Variants in SF3A2 observed in about 807,000 individuals in gnomAD.
SF3A2 encodes splicing factor 3a subunit 2.
Under a neutral mutation model 31.1 loss-of-function variants are expected in SF3A2, and 5 were observed. That is an observed-to-expected ratio of 0.16 (90% CI 0.08 to 0.34). SF3A2 has a LOEUF of 0.34. Ranked by LOEUF, SF3A2 falls within the 10% of genes least tolerant of loss-of-function variation. SF3A2 has a pLI of 1.00. For missense variants in SF3A2, 577 were observed against 643.9 expected, an observed-to-expected ratio of 0.90 and a Z score of 1.13; for synonymous variants, 365 against 263.7, an observed-to-expected ratio of 1.38 and a Z score of -3.72.
chr19:2,241,038 T>G (rs542736434), intron 1 of SF3A2, among the ~76,000 whole-genome samples: 2 of 152,280 alleles, frequency 1.3e-5, no homozygotes, highest in South Asian at 4.1e-4. Context: ...GAGTGCAGGC[T>G]TGGGGGTAGA....
In SF3A2 at chr19:2,244,282, A is replaced by G. The variant is rs567269585; in HGVS notation, c.127-262A>G. Among the ~76,000 whole-genome samples, 11 of 152,192 alleles carry G rather than the reference A, an allele frequency of 7.2e-5. No homozygotes were observed. The East Asian group carries it at 1.9e-3, about 27-fold the overall frequency. On this transcript the variant is annotated intron_variant, in intron 2 of 8. Coordinates refer to ENST00000221494, the MANE Select transcript of SF3A2 (RefSeq NM_007165.5). ...TCCCTCTGACTCAGAACCACCAGGA[A>G]GGTGGTGTCGGGGGCTCCCTGGGAA...
At chr19:2,239,185 C>T (rs552766519) in intron 1 of SF3A2, among the ~76,000 whole-genome samples, 5 of 152,146 alleles carry the variant, frequency 3.3e-5, no homozygotes, top group South Asian at 4.1e-4. Context: ...GCCAACCTGG[C>T]GAAATCCCAT....
At chr19:2,247,564 A>G (rs1237228255) in intron 7 of SF3A2, 30 bp from the exon 8 acceptor site, 2 of 1,611,104 alleles carry the variant, frequency 1.2e-6, no homozygotes, top group Admixed American at 1.7e-5. Context: ...CACAGGGACC[A>G]GGAGCCCTCT....
At position 2,245,617 on chromosome 19, in the gene SF3A2, T is replaced by C; in HGVS notation, c.355+62T>C. On this transcript the variant is annotated intron_variant, in intron 5 of 8. Transcript: ENST00000221494. The surrounding 1 kb of genome is among the most constrained non-coding windows in gnomAD (Gnocchi z 4.2). ...GCCGTGACATAAGTGTGTTCTTTAG[T>C]CTCCAGTGCGGGAGGTGCAGCCCTG... 1 of 1,256,544 alleles carries C rather than the reference T, an allele frequency of 8.0e-7. No individual in the cohort carries two copies. Among genetic ancestry groups the C allele is most frequent in the Middle Eastern group, 1.9e-4 (1 of 5,346 alleles). 77.8% of individuals were successfully genotyped at this position (1,256,544 alleles called of 1,614,324 possible).
intron 1 of SF3A2, among the ~76,000 whole-genome samples, chr19:2,238,780 A>G (rs528932692): frequency 5.3e-5 from 8 of 152,094 alleles, no homozygotes; most frequent in Admixed American, 5.2e-4. Context: ...TCCCCTCACC[A>G]CTTCCCTCCA....
intron 2 of SF3A2, among the ~76,000 whole-genome samples, chr19:2,243,745 C>T (rs2024909392): frequency 6.6e-6 from 1 of 152,248 alleles, no homozygotes; most frequent in Non-Finnish European, 1.5e-5. Flanking sequence ...GGCTCTGAGT[C>T]CCATGTGGAC....
In SF3A2 at chr19:2,247,916, G is replaced by T. The variant is rs746761801; in HGVS notation, c.765G>T (p.Pro255=). The T allele has an allele frequency of 4.5e-6, 7 of 1,542,172 alleles. No individual in the cohort carries two copies. The highest frequency in any genetic ancestry group is 1.1e-5 in the South Asian group (1 of 88,852). Reference sequence around the variant, plus strand: ...TGCCTGAGTCTTTGCCACCGCCCCCGCCAGGAGGCCTGCCTCTGCCACCCA... The same window carrying T: ...TGCCTGAGTCTTTGCCACCGCCCCCTCCAGGAGGCCTGCCTCTGCCACCCA... ...PPLPESLPPP[P]PGGLPLPPMP... is the part of the protein sequence containing the mutation. Residue 255 remains proline (P), a synonymous_variant, in exon 9 of 9, where the codon CCG becomes CCT. Transcript: ENST00000221494.
intron 2 of SF3A2, among the ~76,000 whole-genome samples, chr19:2,243,889 C>T (rs969808828): frequency 3.3e-5 from 5 of 152,194 alleles, no homozygotes; most frequent in Non-Finnish European, 5.9e-5. Context: ...AGGGGTGAGC[C>T]GAGTCCCCTC....
intron 1 of SF3A2, 48 bp downstream of exon 1, chr19:2,236,949 T>G (rs2024827399): frequency 6.6e-6 from 1 of 150,904 alleles, no homozygotes. Context: ...GGACCGGGGG[T>G]TCCCTGGGGG....
chr19:2,237,799 T>A (rs1442389107), intron 1 of SF3A2: 1 of 152,220 alleles, frequency 6.6e-6, no homozygotes, highest in African/African-American at 2.4e-5. Context: ...CAGAACACGT[T>A]AGCTGGCCCC....
intron 7 of SF3A2, 89 bp from the exon 8 acceptor site, chr19:2,247,505 C>T (rs1157816245): frequency 1.6e-5 from 21 of 1,348,736 alleles, no homozygotes; most frequent in Middle Eastern, 1.9e-4. Context: ...AGAGTCCGGG[C>T]TGGGGAGGCT....
In SF3A2 at chr19:2,248,532, C is replaced by A; in HGVS notation, c.1381C>A (p.Pro461Thr). The A allele has an allele frequency of 2.7e-6, 3 of 1,119,638 alleles. No individual in the cohort carries two copies. The highest frequency in any genetic ancestry group is 3.5e-6 in the Non-Finnish European group (3 of 851,552). The allele number at this position is 1,119,638 out of a possible 1,614,324, so 69.4% of individuals were successfully genotyped here. ...SEGPGNIPPP[P>T]PTN ...AGGCCCAGGGAACATACCTCCCCCT[C>A]CCCCAACCAACTGAGAAGCTGCTCC... The change falls in exon 9 of 9, where the codon CCC becomes ACC. Residue 461 changes from proline to threonine, a missense_variant. Physicochemically the swap from Pro to Thr is conservative, Grantham distance 38. Transcript: ENST00000221494.
In SF3A2 at chr19:2,248,053, TC is replaced by T; in HGVS notation, c.904del (p.His302IlefsTer144). 1 of 887,388 alleles carries T rather than the reference TC, an allele frequency of 1.1e-6. No homozygotes were observed. The highest frequency in any genetic ancestry group is 1.7e-6 in the Non-Finnish European group (1 of 578,814). The allele number at this position is 887,388 out of a possible 1,614,324, so 55.0% of individuals were successfully genotyped here. On this transcript the variant is annotated frameshift_variant, in exon 9 of 9. Transcript: ENST00000221494. LOFTEE classifies it low-confidence loss of function (END_TRUNC). ...APVVHPPASG[V>X]HPPAPGVHPP... ...GTGGTGCATCCCCCTGCATCTGGGG[TC>T]CATCCCCCAGCTCCTGGCGTCCACC...
chr19:2,237,002 C>G (rs1002287157), intron 1 of SF3A2, 101 bp downstream of exon 1: 1 of 151,804 alleles, frequency 6.6e-6, no homozygotes, highest in African/African-American at 2.4e-5. Flanking sequence ...GGCCGCGGGC[C>G]GAGGGTGGGG....
intron 1 of SF3A2, chr19:2,237,774 C>T (rs2024846865): frequency 6.6e-6 from 1 of 152,178 alleles, no homozygotes; most frequent in Admixed American, 6.5e-5. Flanking sequence ...GCTTCAACAT[C>T]ATGCCAAAGG....
rs2024965406 is a variant in SF3A2 at position 2,248,351 on chromosome 19, G to T, written c.1200G>T (p.Met400Ile). 1 of 1,360,724 alleles carries T rather than the reference G, an allele frequency of 7.3e-7. No individual in the cohort carries two copies. The highest frequency in any genetic ancestry group is 1.8e-5 in the South Asian group (1 of 55,638). The allele number at this position is 1,360,724 out of a possible 1,614,324, so 84.3% of individuals were successfully genotyped here. ...APGVHPPAPGMHPQAPGVHPQ... is the reference protein window; with the variant it reads ...APGVHPPAPGIHPQAPGVHPQ... ...GGGTGCACCCACCAGCCCCAGGGAT[G>T]CACCCTCAGGCCCCGGGGGTCCACC... Residue 400 changes from methionine (M) to isoleucine (I), a missense_variant, in exon 9 of 9, where the codon ATG becomes ATT. Met to Ile is a conservative substitution (Grantham distance 10). Transcript: ENST00000221494.
chr19:2,243,232 G>A, intron 1 of SF3A2, 150 bp from the exon 2 acceptor site: 1 of 539,144 alleles, frequency 1.9e-6, no homozygotes, highest in Non-Finnish European at 3.1e-6. Flanking sequence ...TGCGCTATGG[G>A]GTGGCCCCCT....
Position 2,245,760 on chromosome 19 carries a change from C to G in SF3A2, c.355+205C>G, listed in dbSNP as rs1169379875. On this transcript the variant is annotated intron_variant, in intron 5 of 8. Coordinates refer to ENST00000221494, the MANE Select transcript of SF3A2 (RefSeq NM_007165.5). The surrounding 1 kb of genome is among the most constrained non-coding windows in gnomAD (Gnocchi z 4.2). ...TGGGCCCGATAAGCACCCATCTCACCCAGCAGCCCATTTCCCAGCTGAGCC... is the reference window on the plus strand; with the variant it reads ...TGGGCCCGATAAGCACCCATCTCACGCAGCAGCCCATTTCCCAGCTGAGCC... 2 of 586,976 alleles carry G rather than the reference C, an allele frequency of 3.4e-6. No individual in the cohort carries two copies. The highest frequency in any genetic ancestry group is 2.9e-5 in the Admixed American group (1 of 34,240). 36.4% of individuals were successfully genotyped at this position (586,976 alleles called of 1,614,324 possible). A position where few individuals can be genotyped will look rare whatever the true frequency, so the allele number is the denominator to read the frequency against.
chr19:2,237,135 A>C (rs903953404), intron 1 of SF3A2, among the ~76,000 whole-genome samples: 1 of 151,722 alleles, frequency 6.6e-6, no homozygotes, highest in Admixed American at 6.6e-5. Flanking sequence ...TCCTGTTGGG[A>C]GGCCGCGCGC....
Sources: gnomAD v4.1 joint callset for allele counts (sites outside exome capture counted in the v4.1 genomes callset) on GRCh38, gnomAD v4.1.1 for gene constraint, Gnocchi (gnomAD v3.1) non-coding constraint, MANE v1.5 for transcripts, NCBI Gene and HGNC (gene_info 2026-07-23, HGNC 2026-07-21) for gene names.